CDH23: variants seen among roughly 807,000 people sequenced by gnomAD.
CDH23 encodes the protein cadherin related 23.
A neutral mutation model predicts 317.1 loss-of-function variants in CDH23; 189 were observed. The observed-to-expected ratio is 0.60, with a 90% confidence interval of 0.53 to 0.67. The LOEUF (loss-of-function observed/expected upper bound fraction) is 0.67, where lower values mean the gene tolerates loss of function less well. Among genes scored for constraint, CDH23 ranks in the 30% least tolerant of loss-of-function variants. The probability of loss-of-function intolerance (pLI) is 0.00; values close to 1 mark genes in which losing one functional copy is unlikely to be tolerated. For missense variants in CDH23, 4,401 were observed against 4,592.4 expected (o/e 0.96, Z 1.20); for synonymous variants, 1,839 against 1,876.8 (o/e 0.98, Z 0.52).
chr10:71,553,296 C>T (rs1033325374), intron 6 of CDH23, among the ~76,000 whole-genome samples: 5 of 152,142 alleles, frequency 3.3e-5, no homozygotes, highest in African/African-American at 9.7e-5. Context: ...TCCAGCTCCC[C>T]GCAATCTCCT....
At chr10:71,578,535 G>A (rs762593518) in intron 9 of CDH23, among the ~76,000 whole-genome samples, 3 of 152,176 alleles carry the variant, frequency 2.0e-5, no homozygotes, top group Admixed American at 6.5e-5. Flanking sequence ...AGCTGCCTTG[G>A]TTGAGCAGAA....
At chr10:71,639,126 T>C (rs1048077638) in intron 11 of CDH23, among the ~76,000 whole-genome samples, 4 of 152,240 alleles carry the variant, frequency 2.6e-5, no homozygotes, top group Non-Finnish European at 4.4e-5. Flanking sequence ...CAGCCTGTAG[T>C]GGCTGGGCTC....
chr10:71,536,842 C>G (rs1215680570), intron 6 of CDH23, among the ~76,000 whole-genome samples: 1 of 151,972 alleles, frequency 6.6e-6, no homozygotes, highest in Non-Finnish European at 1.5e-5. Context: ...AGTGGGGTCT[C>G]TGGGGGCCAG....
chr10:71,690,963 T>G (rs1430347599), intron 20 of CDH23, among the ~76,000 whole-genome samples: 1 of 152,226 alleles, frequency 6.6e-6, no homozygotes, highest in African/African-American at 2.4e-5. Flanking sequence ...TACACGGATG[T>G]GTGCCTCAGT....
chr10:71,807,129 G>A, intron 57 of CDH23, 148 bp from the exon 58 acceptor site: 1 of 1,017,706 alleles, frequency 9.8e-7, no homozygotes. Flanking sequence ...TTGCTCCCTT[G>A]AGGTTACAAC....
At chr10:71,575,392 G>T (rs1218508932) in intron 8 of CDH23, among the ~76,000 whole-genome samples, 1 of 152,190 alleles carries the variant, frequency 6.6e-6, no homozygotes, top group Non-Finnish European at 1.5e-5. Context: ...TGGGGATTGT[G>T]ATTTTTACCC....
intron 11 of CDH23, among the ~76,000 whole-genome samples, chr10:71,622,079 T>C (rs1221207581): frequency 6.6e-6 from 1 of 152,166 alleles, no homozygotes; most frequent in Non-Finnish European, 1.5e-5. Context: ...AGCTCATCTC[T>C]GAGTTTCAAA....
intron 38 of CDH23, chr10:71,752,198 T>C: frequency 2.3e-6 from 1 of 444,244 alleles, no homozygotes; most frequent in Non-Finnish European, 4.3e-6. Flanking sequence ...CAAGTTTCTC[T>C]TTGGTCAATA....
Position 71,807,513 on chromosome 10 carries a change from C to T in CDH23, c.8309-3C>T, listed in dbSNP as rs371910002. 2.8e-4 allele frequency: 454 copies of T among 1,613,582 alleles called. No homozygotes were observed. The highest frequency in any genetic ancestry group is 3.7e-4 in the Non-Finnish European group (432 of 1,179,722). On this transcript the variant is annotated splice_region_variant and splice_polypyrimidine_tract_variant and intron_variant, in intron 58 of 69. Coordinates refer to ENST00000224721, the MANE Select transcript of CDH23 (RefSeq NM_022124.6). ...TCACCCTGTGCCATGATCCCACCCT[C>T]AGCCGGCAACGAAGAGAAGAACTTC...
Position 71,631,088 on chromosome 10 carries a change from A to T in CDH23, c.1135-12773A>T, listed in dbSNP as rs941861864. On this transcript the variant is annotated intron_variant, in intron 11 of 69. Transcript: ENST00000224721. ...CTGAGACCCCCATCTCTACAAAAAA[A>T]TTCAAAATTAGCTAGGCATGGTGGC... Among the ~76,000 whole-genome samples the T allele has an allele frequency of 4.6e-5, 7 of 152,216 alleles. 1 individual carries two copies. The highest frequency in any genetic ancestry group is 4.6e-4 in the Admixed American group (7 of 15,290).
rs1840858046 is a variant in CDH23, at chr10:71,777,979, G to T, written c.5067+78G>T. ...GGCAAGGAGTTCAGTGACACTGGAG[G>T]GGGATGGAGCAAAGATGCAGTCTAG... On this transcript the variant is annotated intron_variant, in intron 39 of 69. Transcript: ENST00000224721. The T allele has an allele frequency of 1.2e-5, 18 of 1,525,980 alleles. No homozygotes were observed. The South Asian group carries it at 2.1e-4, about 18-fold the overall frequency. 94.5% of individuals were successfully genotyped at this position (1,525,980 alleles called of 1,614,324 possible). A position where few individuals can be genotyped will look rare whatever the true frequency, so the allele number is the denominator to read the frequency against.
intron 44 of CDH23, among the ~76,000 whole-genome samples, chr10:71,787,446 A>G (rs1219064574): frequency 2.7e-5 from 4 of 149,970 alleles, no homozygotes; most frequent in African/African-American, 9.9e-5. Flanking sequence ...ACTACCTATT[A>G]TGTCCAATGT....
At chr10:71,713,980 C>T (rs907689721) in intron 28 of CDH23, 2 of 152,308 alleles carry the variant, frequency 1.3e-5, no homozygotes, top group Non-Finnish European at 2.9e-5. Flanking sequence ...CTTTCTAAAC[C>T]CAAAGACTTG....
chr10:71,665,908 C>G (rs1863872959), intron 14 of CDH23, among the ~76,000 whole-genome samples: 1 of 152,188 alleles, frequency 6.6e-6, no homozygotes, highest in Non-Finnish European at 1.5e-5. Flanking sequence ...AACAGGATAG[C>G]AAAGATGCGT....
rs1212142920 is a variant in CDH23 at position 71,493,829 on chromosome 10, C to G, written c.146-16253C>G. 4.6e-5 allele frequency among the ~76,000 whole-genome samples: 7 copies of G among 152,168 alleles called. No individual in the cohort carries two copies. In the East Asian group the frequency reaches 1.3e-3, roughly 29 times the overall value. On this transcript the variant is annotated intron_variant, in intron 3 of 69. Transcript: ENST00000224721. ...GCGAAATACACTTTGGGAAGCATTC[C>G]TTTACACACAAAATCCTTTTTTTTA...
intron 1 of CDH23, among the ~76,000 whole-genome samples, chr10:71,399,283 C>G (rs1011257354): frequency 2.6e-5 from 4 of 152,224 alleles, no homozygotes; most frequent in African/African-American, 9.7e-5. Flanking sequence ...GGGCCCCACC[C>G]CAGACCTTCT....
Position 71,467,539 on chromosome 10 carries a change from G to A in CDH23, c.145+21144G>A, listed in dbSNP as rs191148806. On this transcript the variant is annotated intron_variant, in intron 3 of 69. Transcript: ENST00000224721. ...CACCACCAGCCTGTGAGGTTGGGTG[G>A]GAGGCAGTGCGCCATAGTGGTTAGG... Among the ~76,000 whole-genome samples, 436 of 152,258 alleles carry A rather than the reference G, an allele frequency of 2.9e-3. 1 individual carries two copies. Among genetic ancestry groups the A allele is most frequent in the African/African-American group, 9.9e-3 (413 of 41,556 alleles).
chr10:71,584,085 C>T (rs1278926350), intron 9 of CDH23, among the ~76,000 whole-genome samples: 1 of 152,228 alleles, frequency 6.6e-6, no homozygotes, highest in Non-Finnish European at 1.5e-5. Flanking sequence ...CTGGGGACCA[C>T]ACTTTGAGAA....
chr10:71,690,402 TG>T, intron 19 of CDH23, 65 bp from the exon 20 acceptor site: 1 of 1,205,706 alleles, frequency 8.3e-7, no homozygotes, highest in Non-Finnish European at 1.2e-6. Context: ...CTCCCAGGGC[TG>T]GGGCCTTGAA....
Sources: gnomAD v4.1 joint callset for allele counts (sites outside exome capture counted in the v4.1 genomes callset) on GRCh38, gnomAD v4.1.1 for gene constraint, MANE v1.5 for transcripts, NCBI Gene and HGNC (gene_info 2026-07-23, HGNC 2026-07-21) for gene names.